The following CMKLR1 variants were observed in gnomAD, a reference collection of about 807,000 sequenced individuals.
CMKLR1 encodes the protein chemerin-like receptor 1.
CMKLR1 carries 6 observed loss-of-function variants against 8.2 expected under a neutral mutation model. That is an observed-to-expected ratio of 0.73 (90% CI 0.40 to 1.44). The LOEUF (loss-of-function observed/expected upper bound fraction) is 1.44, where lower values mean the gene tolerates loss of function less well. CMKLR1 is among the 40% of genes most tolerant of loss of function. The pLI, the probability that CMKLR1 is intolerant of heterozygous loss-of-function variation, is 0.02. For synonymous variants in CMKLR1, 178 were observed against 181.2 expected, an observed-to-expected ratio of 0.98 and a Z score of 0.14; for missense variants, 429 against 478.0, an observed-to-expected ratio of 0.90 and a Z score of 0.96.
intron 2 of CMKLR1, among the ~76,000 whole-genome samples, chr12:108,322,917 A>G (rs1455562284): frequency 6.6e-6 from 1 of 152,204 alleles, no homozygotes; most frequent in Non-Finnish European, 1.5e-5. Context: ...CTGGGCACCT[A>G]CTATGTGCCA....
chr12:108,331,315 G>A (rs1322146262), intron 1 of CMKLR1, among the ~76,000 whole-genome samples: 1 of 152,162 alleles, frequency 6.6e-6, no homozygotes, highest in Non-Finnish European at 1.5e-5. Flanking sequence ...GTGCAGGGAC[G>A]TGAACGCAGT....
At chr12:108,338,297 G>GA (rs1326679912) in intron 1 of CMKLR1, among the ~76,000 whole-genome samples, 6 of 152,104 alleles carry the variant, frequency 3.9e-5, no homozygotes, top group Admixed American at 2.0e-4. Flanking sequence ...CCCCAGAGGA[G>GA]AAAAAAATGG....
intron 2 of CMKLR1, chr12:108,317,955 C>T (rs948076700): frequency 5.3e-5 from 8 of 152,282 alleles, no homozygotes; most frequent in South Asian, 4.2e-4. Context: ...TTTGCATAAA[C>T]GGAAGTATAC....
At chr12:108,312,935 C>G (rs946967810) in intron 2 of CMKLR1, among the ~76,000 whole-genome samples, 5 of 152,124 alleles carry the variant, frequency 3.3e-5, no homozygotes, top group African/African-American at 1.2e-4. Context: ...CCTGTCCAGC[C>G]ACATGGAGCT....
At chr12:108,331,671 G>C (rs1892111474) in intron 1 of CMKLR1, among the ~76,000 whole-genome samples, 2 of 152,192 alleles carry the variant, frequency 1.3e-5, no homozygotes, top group African/African-American at 2.4e-5. Context: ...ACCCAGGTGA[G>C]CTCAGCGTCT....
intron 2 of CMKLR1, 29 bp from the exon 3 acceptor site, chr12:108,293,693 AGC>A: frequency 8.3e-7 from 1 of 1,204,018 alleles, no homozygotes; most frequent in Non-Finnish European, 1.2e-6. Flanking sequence ...AAAAAAAAGC[AGC>A]AATTGGATCC....
chr12:108,299,903 G>A (rs1891223593), intron 2 of CMKLR1, among the ~76,000 whole-genome samples: 1 of 152,164 alleles, frequency 6.6e-6, no homozygotes, highest in African/African-American at 2.4e-5. Flanking sequence ...GTTTGTTATG[G>A]CAGCGCTGGA....
intron 2 of CMKLR1, 132 bp from the exon 3 acceptor site, chr12:108,293,796 A>C (rs1891057325): frequency 3.2e-6 from 2 of 623,678 alleles, no homozygotes; most frequent in East Asian, 5.5e-5. Context: ...GCAGAAGTTC[A>C]GAAAGGCTGT....
intron 2 of CMKLR1, among the ~76,000 whole-genome samples, chr12:108,323,047 C>G (rs1028026405): frequency 6.6e-6 from 1 of 152,198 alleles, no homozygotes; most frequent in African/African-American, 2.4e-5. Flanking sequence ...CCCCACTGAG[C>G]TCAAAGAAGC....
chr12:108,299,692 G>A (rs117491535), intron 2 of CMKLR1, among the ~76,000 whole-genome samples: 1 of 152,168 alleles, frequency 6.6e-6, no homozygotes, highest in Admixed American at 6.5e-5. Flanking sequence ...AGAACAGAAG[G>A]CCATGTGGGG....
chr12:108,312,972 C>A (rs1389121401), intron 2 of CMKLR1, among the ~76,000 whole-genome samples: 1 of 152,114 alleles, frequency 6.6e-6, no homozygotes, highest in African/African-American at 2.4e-5. Flanking sequence ...CCCTGAGCTG[C>A]CCCAGGGTCC....
At position 108,292,778 on chromosome 12, in the gene CMKLR1, A is replaced by C. The variant is rs141421422; in HGVS notation, c.185T>G (p.Ile62Ser). 5.4e-3 allele frequency: 8,647 copies of C among 1,614,156 alleles called. 37 individuals are homozygous for C. The highest frequency in any genetic ancestry group is 6.5e-3 in the Non-Finnish European group (7,642 of 1,180,014). ...CTTCATCTTGAAGGTGGCAATGATG[A>C]TCACCAGACCATTGCCCAGAATCCC... Reference protein sequence around the residue: ...FLGILGNGLVIIIATFKMKKT... With the variant: ...FLGILGNGLVSIIATFKMKKT... The change falls in exon 4 of 4, where the codon ATC (isoleucine) becomes AGC (serine). Residue 62 changes from isoleucine to serine, a missense_variant. Physicochemically the swap from Ile to Ser is moderately radical, Grantham distance 142. Transcript: ENST00000550402.
At position 108,314,971 on chromosome 12, in the gene CMKLR1, C is replaced by G. The variant is rs185665938; in HGVS notation, c.-74+15024G>C. 1.0e-4 allele frequency among the ~76,000 whole-genome samples: 13 copies of G among 129,344 alleles called. No homozygotes were observed. The East Asian group carries it at 3.1e-3, about 31-fold the overall frequency. 84.9% of individuals were successfully genotyped at this position (129,344 alleles called of 152,430 possible). ...TTTTTTTTTGAGACGGAGTTTTGCT[C>G]TTGTTGCCCAGGCTGGAGTGCAATG... On this transcript the variant is annotated intron_variant, in intron 2 of 3. Transcript: ENST00000550402.
chr12:108,311,754 C>T (rs537804831), intron 2 of CMKLR1, among the ~76,000 whole-genome samples: 3 of 152,312 alleles, frequency 2.0e-5, no homozygotes, highest in African/African-American at 7.2e-5. Flanking sequence ...AGCCTCCCTT[C>T]CCCTTGGACA....
chr12:108,318,832 CTT>C (rs1566026604), intron 2 of CMKLR1, among the ~76,000 whole-genome samples: 3 of 152,166 alleles, frequency 2.0e-5, no homozygotes. Context: ...GTTGAAGCTG[CTT>C]TTTATTCTGT....
intron 2 of CMKLR1, among the ~76,000 whole-genome samples, chr12:108,305,104 T>C (rs1214624610): frequency 6.6e-6 from 1 of 152,162 alleles, no homozygotes; most frequent in Non-Finnish European, 1.5e-5. Flanking sequence ...CCATCTCTTG[T>C]AGCAGGGGAA....
chr12:108,301,071 C>CTTTTTT (rs11303250), intron 2 of CMKLR1, among the ~76,000 whole-genome samples: 5 of 90,390 alleles, frequency 5.5e-5, no homozygotes, highest in Non-Finnish European at 1.0e-4. Context: ...CCACCCAAGT[C>CTTTTTT]TTTTTTTTTT....
intron 2 of CMKLR1, among the ~76,000 whole-genome samples, chr12:108,314,563 A>G (rs535434751): frequency 3.3e-5 from 5 of 152,280 alleles, no homozygotes; most frequent in African/African-American, 1.2e-4. Context: ...TATGACTGTG[A>G]GTTTCAGTCT....
At chr12:108,314,999 G>T (rs974475701) in intron 2 of CMKLR1, among the ~76,000 whole-genome samples, 1 of 146,750 alleles carries the variant, frequency 6.8e-6, no homozygotes, top group Non-Finnish European at 1.5e-5. Context: ...GTGCAATGGC[G>T]CAATCTCAGC....
Sources: gnomAD v4.1 joint callset for allele counts (sites outside exome capture counted in the v4.1 genomes callset) on GRCh38, gnomAD v4.1.1 for gene constraint, MANE v1.5 for transcripts, NCBI Gene and HGNC (gene_info 2026-07-23, HGNC 2026-07-21) for gene names.